Variants in KANSL1 observed in about 807,000 individuals in gnomAD.
The protein encoded by KANSL1 is MLL1/MLL complex subunit KANSL1.
Under a neutral mutation model 103.6 loss-of-function variants are expected in KANSL1, and 22 were observed. The observed-to-expected ratio is 0.21, with a 90% CI of 0.15 to 0.30. The LOEUF (loss-of-function observed/expected upper bound fraction) is 0.30, where lower values mean the gene tolerates loss of function less well. KANSL1 is among the 10% of genes least tolerant of loss of function. The pLI is 1.00. For synonymous variants in KANSL1, 600 were observed against 527.6 expected (o/e 1.14, Z -1.88); for missense variants, 1,337 against 1,399.8 (o/e 0.96, Z 0.72).
At chr17:46,129,187 G>A (rs1219020174) in intron 2 of KANSL1, among the ~76,000 whole-genome samples, 5 of 151,788 alleles carry the variant, frequency 3.3e-5, no homozygotes, top group Non-Finnish European at 7.4e-5. Context: ...CTTGAACAAA[G>A]GAACAGTGCA....
chr17:46,038,715 T>C (rs763785963), intron 9 of KANSL1, 29 bp from the exon 10 acceptor site: 1 of 1,613,114 alleles, frequency 6.2e-7, no homozygotes, highest in South Asian at 1.1e-5. Context: ...AAGAGAGAAA[T>C]ACATGGCTAT....
intron 2 of KANSL1, among the ~76,000 whole-genome samples, chr17:46,137,997 A>G (rs555732426): frequency 1.3e-5 from 2 of 152,368 alleles, no homozygotes; most frequent in African/African-American, 4.8e-5. Context: ...TACCCTCAGG[A>G]GTGAACAGTG....
intron 1 of KANSL1, among the ~76,000 whole-genome samples, chr17:46,185,838 A>G (rs1346357041): frequency 1.3e-5 from 2 of 152,144 alleles, no homozygotes; most frequent in Non-Finnish European, 2.9e-5. Context: ...CCTAGACAAC[A>G]TAGCAAGATA....
intron 2 of KANSL1, among the ~76,000 whole-genome samples, chr17:46,132,080 T>A (rs1207011720): frequency 6.6e-6 from 1 of 151,866 alleles, no homozygotes; most frequent in Non-Finnish European, 1.5e-5. Context: ...TGAGTCAAGA[T>A]CGTGCCATTG....
At chr17:46,205,241 A>G (rs186944853) in intron 1 of KANSL1, among the ~76,000 whole-genome samples, 1 of 152,366 alleles carries the variant, frequency 6.6e-6, no homozygotes, top group East Asian at 1.9e-4. Flanking sequence ...ATAAACTATT[A>G]GAGCCAATAA....
Position 46,031,722 on chromosome 17 carries a change from C to T in KANSL1, c.3091-19G>A. The stretch of plus-strand genomic sequence containing the variant: ...GGACAGACTGTAGGCAGACAAGTTG[C>T]TCTTTGAGGACCCAGTCCCAGCCAG... On this transcript the variant is annotated intron_variant, in intron 14 of 14. Transcript: ENST00000432791. 2 of 1,576,756 alleles carry T rather than the reference C, an allele frequency of 1.3e-6. No homozygotes were observed. Among genetic ancestry groups the T allele is most frequent in the Non-Finnish European group, 1.7e-6 (2 of 1,154,212 alleles).
intron 6 of KANSL1, among the ~76,000 whole-genome samples, chr17:46,066,000 A>G (rs965940377): frequency 1.4e-4 from 21 of 152,176 alleles, no homozygotes; most frequent in African/African-American, 5.1e-4. Context: ...AGCTGGGACT[A>G]CAGGTGTGCA....
intron 2 of KANSL1, among the ~76,000 whole-genome samples, chr17:46,110,783 G>C (rs937418709): frequency 6.6e-6 from 1 of 152,150 alleles, no homozygotes; most frequent in Non-Finnish European, 1.5e-5. Flanking sequence ...GTTCTGAAAG[G>C]AGAGAAATAA....
At chr17:46,063,303 C>A (rs2078247254) in intron 6 of KANSL1, among the ~76,000 whole-genome samples, 1 of 152,230 alleles carries the variant, frequency 6.6e-6, no homozygotes, top group South Asian at 2.1e-4. Flanking sequence ...GCTTTGTTTT[C>A]CTTACCAATG....
At chr17:46,034,348 T>C in intron 10 of KANSL1, 63 bp from the exon 11 acceptor site, 1 of 1,580,036 alleles carries the variant, frequency 6.3e-7, no homozygotes, top group Non-Finnish European at 8.7e-7. Flanking sequence ...ATCATTCATC[T>C]AAGAGTTAAA....
chr17:46,133,088 A>C (rs537917191), intron 2 of KANSL1, among the ~76,000 whole-genome samples: 3 of 152,260 alleles, frequency 2.0e-5, no homozygotes, highest in Admixed American at 2.0e-4. Flanking sequence ...TCAGGTCCTC[A>C]CAACAGCCCA....
At chr17:46,177,460 A>G (rs1254588334) in intron 1 of KANSL1, among the ~76,000 whole-genome samples, 2 of 152,254 alleles carry the variant, frequency 1.3e-5, no homozygotes, top group Non-Finnish European at 2.9e-5. Context: ...CTGAATGCCA[A>G]AAACTCGGTT....
chr17:46,194,567 T>C (rs1024240682), upstream of KANSL1, among the ~76,000 whole-genome samples: 2 of 152,214 alleles, frequency 1.3e-5, no homozygotes, highest in Non-Finnish European at 2.9e-5. Flanking sequence ...TACCACCCTT[T>C]AAAGTTGCCA....
chr17:46,166,488 G>T (rs1316232658), intron 2 of KANSL1, among the ~76,000 whole-genome samples: 1 of 151,808 alleles, frequency 6.6e-6, no homozygotes, highest in African/African-American at 2.4e-5. Flanking sequence ...CTCCAGCCTG[G>T]GCAACAAGAG....
rs1407942195 is a variant in KANSL1 at position 46,170,949 on chromosome 17, C to G, written c.1195G>C (p.Asp399His). Reference sequence around the variant, plus strand: ...GAACTACTGTCAGTGACATCTGAATCAAATGCCTGTTCACTGCACCTCAAG... The same window carrying G: ...GAACTACTGTCAGTGACATCTGAATGAAATGCCTGTTCACTGCACCTCAAG... ...ANLRCSEQAF[D>H]SDVTDSSSGG... is the part of the protein sequence containing the mutation. The change falls in exon 2 of 15, where the codon GAT becomes CAT. Residue 399 changes from aspartate (D) to histidine (H), a missense_variant. Physicochemically the swap from Asp to His is moderately conservative, Grantham distance 81. Around this residue, in one of 2 missense-constraint regions of KANSL1, gnomAD observed 780 missense variants for 923.4 expected, o/e 0.84. Transcript: ENST00000432791. 1 of 1,614,056 alleles carries G rather than the reference C, an allele frequency of 6.2e-7. No homozygotes were observed. Among genetic ancestry groups the G allele is most frequent in the Non-Finnish European group, 8.5e-7 (1 of 1,180,058 alleles).
At chr17:46,062,777 T>C (rs1469036383) in intron 6 of KANSL1, among the ~76,000 whole-genome samples, 2 of 151,096 alleles carry the variant, frequency 1.3e-5, no homozygotes, top group Non-Finnish European at 2.9e-5. Flanking sequence ...GGGCTGGGTG[T>C]GGTGGCTCAC....
At chr17:46,123,409 C>T (rs2043372728) in intron 2 of KANSL1, among the ~76,000 whole-genome samples, 1 of 152,160 alleles carries the variant, frequency 6.6e-6, no homozygotes, top group South Asian at 2.1e-4. Flanking sequence ...TTTTTAAAAG[C>T]TAGAAGTGAT....
At chr17:46,124,918 C>G (rs182024700) in intron 2 of KANSL1, among the ~76,000 whole-genome samples, 41 of 148,952 alleles carry the variant, frequency 2.8e-4, no homozygotes, top group East Asian at 2.4e-3. Context: ...AGACACAGGT[C>G]GAAAAAGTAA....
intron 7 of KANSL1, among the ~76,000 whole-genome samples, chr17:46,046,528 CAAAA>C (rs58711350): frequency 1.8e-4 from 6 of 33,176 alleles, no homozygotes; most frequent in Non-Finnish European, 2.7e-4. Context: ...GAGACTCTGT[CAAAA>C]AAAAAAAAAA....
Sources: allele counts gnomAD v4.1 joint callset (sites outside exome capture counted in the v4.1 genomes callset), GRCh38; gene constraint gnomAD v4.1.1; regional missense constraint gnomAD v4.1.1; transcripts MANE v1.5; gene names NCBI Gene and HGNC (gene_info 2026-07-23, HGNC 2026-07-21).